The following NCOA6 variants were observed in gnomAD, a reference collection of about 807,000 sequenced individuals.
NCOA6 encodes the protein NRC RAP250.
NCOA6 carries 49 observed loss-of-function variants against 171.4 expected under a neutral mutation model. The ratio of observed to expected loss-of-function variants is 0.29; its 90% CI spans 0.23 to 0.36. NCOA6 has a LOEUF of 0.36. Ranked by LOEUF, NCOA6 falls within the 10% of genes least tolerant of loss-of-function variation. The pLI is 1.00. For synonymous variants in NCOA6, 910 were observed against 927.5 expected (o/e 0.98, Z 0.34); for missense variants, 2,248 against 2,554.5 (o/e 0.88, Z 2.59).
At chr20:34,725,337 C>G (rs1177554684) in intron 14 of NCOA6, among the ~76,000 whole-genome samples, 1 of 152,140 alleles carries the variant, frequency 6.6e-6, no homozygotes, top group African/African-American at 2.4e-5. Flanking sequence ...TGAAGAAGAA[C>G]CTGGTGCTGT....
chr20:34,808,513 A>G (rs1392010381), intron 1 of NCOA6, among the ~76,000 whole-genome samples: 2 of 143,990 alleles, frequency 1.4e-5, no homozygotes, highest in Non-Finnish European at 3.0e-5. Flanking sequence ...ATCTTGGCTC[A>G]CTGCAACCTC....
Position 34,817,562 on chromosome 20 carries a change from T to TG in NCOA6, c.-164+7909_-164+7910insC, listed in dbSNP as rs550822208. On this transcript the variant is annotated intron_variant, in intron 1 of 14. Coordinates refer to ENST00000359003, the MANE Select transcript of NCOA6 (RefSeq NM_014071.5). ...TGTATACATCTAAATGTAACTCTAG[T>TG]TATTTACTAATTAACTCAGAATGTT... Among the ~76,000 whole-genome samples, 631 of 152,270 alleles carry TG rather than the reference T, an allele frequency of 4.1e-3. 2 individuals carry two copies. The highest frequency in any genetic ancestry group is 0.015 in the African/African-American group (603 of 41,560).
At chr20:34,759,098 C>A (rs566936930) in intron 5 of NCOA6, among the ~76,000 whole-genome samples, 165 bp from the exon 6 acceptor site, 7 of 151,928 alleles carry the variant, frequency 4.6e-5, no homozygotes, top group African/African-American at 1.7e-4. Context: ...CAGCTCACTG[C>A]CATCTCGACT....
chr20:34,776,603 A>G, intron 3 of NCOA6, 155 bp from the exon 4 acceptor site: 1 of 895,396 alleles, frequency 1.1e-6, no homozygotes, highest in Admixed American at 2.0e-5. Context: ...ACTCAAATCT[A>G]ATCCTAGCTT....
chr20:34,776,499 G>A, intron 3 of NCOA6, 51 bp from the exon 4 acceptor site: 3 of 1,594,064 alleles, frequency 1.9e-6, no homozygotes, highest in Non-Finnish European at 2.6e-6. Flanking sequence ...AGCCACCAGA[G>A]GAGATGGAAT....
At position 34,780,165 on chromosome 20, in the gene NCOA6, T is replaced by TA. The variant is rs577998589; in HGVS notation, c.235+1955dup. Among the ~76,000 whole-genome samples the TA allele has an allele frequency of 6.8e-4, 104 of 152,354 alleles. 1 individual carries two copies. The highest frequency in any genetic ancestry group is 2.4e-3 in the African/African-American group (99 of 41,582). On this transcript the variant is annotated intron_variant, in intron 3 of 14. Transcript: ENST00000359003. ...CTGAAGTATGTTGGAATCTTGTACATATTCTACACAAACATCAAATTTGCT... is the reference window on the plus strand; with the variant it reads ...CTGAAGTATGTTGGAATCTTGTACATAATTCTACACAAACATCAAATTTGCT...
At chr20:34,721,541 T>C (rs1374788030) in intron 14 of NCOA6, among the ~76,000 whole-genome samples, 1 of 152,154 alleles carries the variant, frequency 6.6e-6, no homozygotes, top group Non-Finnish European at 1.5e-5. Flanking sequence ...CAGGCATTAG[T>C]TAGATTCTTA....
At chr20:34,809,885 T>C (rs1430623031) in intron 1 of NCOA6, among the ~76,000 whole-genome samples, 4 of 152,134 alleles carry the variant, frequency 2.6e-5, no homozygotes, top group Non-Finnish European at 5.9e-5. Context: ...GGAGAATCAC[T>C]TGAACCTGGG....
intron 2 of NCOA6, among the ~76,000 whole-genome samples, chr20:34,788,007 C>T (rs1219039300): frequency 2.0e-5 from 3 of 151,920 alleles, no homozygotes; most frequent in Admixed American, 6.6e-5. Context: ...GCTGAGACTA[C>T]AGGCAGATGC....
chr20:34,803,257 C>T (rs1226604813), intron 1 of NCOA6, among the ~76,000 whole-genome samples: 1 of 152,100 alleles, frequency 6.6e-6, no homozygotes, highest in Non-Finnish European at 1.5e-5. Context: ...CACTTGAGGT[C>T]AGGAGTTCAA....
intron 2 of NCOA6, among the ~76,000 whole-genome samples, chr20:34,783,409 T>C (rs533213881): frequency 2.8e-4 from 43 of 152,350 alleles, no homozygotes; most frequent in African/African-American, 9.1e-4. Flanking sequence ...TCTTCAGGTA[T>C]GCTGCTTACC....
intron 11 of NCOA6, among the ~76,000 whole-genome samples, chr20:34,739,230 A>G (rs1053094653): frequency 1.3e-5 from 2 of 152,214 alleles, no homozygotes; most frequent in Non-Finnish European, 2.9e-5. Flanking sequence ...GGGAATAACA[A>G]TTTTTACCAT....
chr20:34,770,164 C>A (rs2077104473), intron 4 of NCOA6, among the ~76,000 whole-genome samples: 1 of 151,988 alleles, frequency 6.6e-6, no homozygotes. Flanking sequence ...CTCAGCCTCC[C>A]GAGTAGCTGG....
chr20:34,799,628 G>A (rs2078190596), intron 1 of NCOA6, among the ~76,000 whole-genome samples: 2 of 152,056 alleles, frequency 1.3e-5, no homozygotes. Context: ...AAATACAATG[G>A]AACTCCAATA....
Position 34,741,091 on chromosome 20 carries a change from G to C in NCOA6, c.5165C>G (p.Pro1722Arg). ...TCGACCTGTCTGGATGTTTGGAGCAGGACTACTGGAGAGGGCATTAGGCGG... is the reference window on the plus strand; with the variant it reads ...TCGACCTGTCTGGATGTTTGGAGCACGACTACTGGAGAGGGCATTAGGCGG... ...PVPPNALSSS[P>R]APNIQTGRPL... Residue 1722 changes from proline to arginine, a missense_variant, in exon 11 of 15, where the codon CCT becomes CGT. By Grantham distance (103) the Pro-to-Arg change is moderately radical. Around this residue, in one of 7 missense-constraint regions of NCOA6, gnomAD observed 884 missense variants for 941.9 expected, o/e 0.94. Coordinates refer to ENST00000359003, the MANE Select transcript of NCOA6 (RefSeq NM_014071.5). The C allele has an allele frequency of 3.1e-6, 5 of 1,614,214 alleles. No homozygotes were observed. The highest frequency in any genetic ancestry group is 1.6e-4 in the Middle Eastern group (1 of 6,062).
At chr20:34,771,478 C>A (rs914201505) in intron 4 of NCOA6, among the ~76,000 whole-genome samples, 1 of 152,106 alleles carries the variant, frequency 6.6e-6, no homozygotes, top group African/African-American at 2.4e-5. Context: ...TTGGGGAATA[C>A]CAAATCTTCA....
At chr20:34,773,782 C>T (rs988849859) in intron 4 of NCOA6, among the ~76,000 whole-genome samples, 4 of 152,228 alleles carry the variant, frequency 2.6e-5, no homozygotes, top group African/African-American at 9.6e-5. Flanking sequence ...CCTTGGCCTC[C>T]CAAAGTGTTG....
chr20:34,790,198 T>C (rs59052579), intron 2 of NCOA6, among the ~76,000 whole-genome samples: 4,366 of 152,032 alleles, frequency 0.029, 221 homozygotes, highest in African/African-American at 0.1. Flanking sequence ...CTGTGGTAGA[T>C]ACATATAGAT....
intron 1 of NCOA6, chr20:34,821,393 G>C (rs1250550296): frequency 1.3e-5 from 2 of 152,158 alleles, no homozygotes; most frequent in African/African-American, 4.8e-5. Flanking sequence ...AGATAGTTGT[G>C]CTTTTTCTAC....
Sources: allele counts gnomAD v4.1 joint callset (sites outside exome capture counted in the v4.1 genomes callset), GRCh38; gene constraint gnomAD v4.1.1; regional missense constraint gnomAD v4.1.1; transcripts MANE v1.5; gene names NCBI Gene and HGNC (gene_info 2026-07-23, HGNC 2026-07-21).